HRNR: variants seen among roughly 807,000 people sequenced by gnomAD.
HRNR encodes filaggrin family member 3.
HRNR carries 7 observed loss-of-function variants against 4.8 expected under a neutral mutation model. The ratio of observed to expected loss-of-function variants is 1.47; its 90% CI spans 0.83 to 2.75. The LOEUF (loss-of-function observed/expected upper bound fraction) is 2.75. Among genes scored for constraint, HRNR ranks in the 30% most tolerant of loss-of-function variants. The pLI is 0.00. For missense variants in HRNR, 2,879 were observed against 3,010.4 expected, an observed-to-expected ratio of 0.96 and a Z score of 1.02; for synonymous variants, 1,023 against 1,242.7, an observed-to-expected ratio of 0.82 and a Z score of 3.72.
At position 152,219,070 on chromosome 1, in the gene HRNR, G is replaced by A. The variant is rs150471229; in HGVS notation, c.2559C>T (p.Ser853=). Reference sequence around the variant, plus strand: ...CTGAGCTAGAGTCATGTTGGCCGGAGCTTGATGACTGCCCTGACGTAGATC... The same window carrying A: ...CTGAGCTAGAGTCATGTTGGCCGGAACTTGATGACTGCCCTGACGTAGATC... ...RHGSTSGQSS[S]SGQHDSSSGQ... is the part of the protein sequence containing the mutation. Residue 853 remains serine, a synonymous_variant, in exon 3 of 3, where the codon AGC becomes AGT. Transcript: ENST00000368801. The A allele has an allele frequency of 4.3e-6, 7 of 1,613,132 alleles. No individual in the cohort carries two copies. In the African/African-American group the frequency reaches 6.7e-5, roughly 15 times the overall value.
Position 152,221,389 on chromosome 1 carries a change from C to T in HRNR, c.240G>A (p.Lys80=). Reference sequence around the variant, plus strand: ...TGATTTTATTACGAGCCTGAACCAGCTTGAATATCATCAGAAGATACTCAG... The same window carrying T: ...TGATTTTATTACGAGCCTGAACCAGTTTGAATATCATCAGAAGATACTCAG... ...DFTEYLLMIF[K]LVQARNKIIG... Residue 80 remains lysine, a synonymous_variant, in exon 3 of 3, where the codon AAG becomes AAA. Transcript: ENST00000368801. 1.2e-6 allele frequency: 2 copies of T among 1,613,908 alleles called. No individual in the cohort carries two copies. The highest frequency in any genetic ancestry group is 8.5e-7 in the Non-Finnish European group (1 of 1,179,962).
rs1426456122 is a variant in HRNR at position 152,221,376 on chromosome 1, G to A, written c.253C>T (p.Arg85Cys). ...LLMIFKLVQA[R>C]NKIIGKDYCQ... is the part of the protein sequence containing the mutation. ...TAATCTTTGCCAATGATTTTATTAC[G>A]AGCCTGAACCAGCTTGAATATCATC... Residue 85 changes from arginine (R) to cysteine (C), a missense_variant, in exon 3 of 3, where the codon CGT (arginine) becomes TGT (cysteine). Coordinates refer to ENST00000368801, the MANE Select transcript of HRNR (RefSeq NM_001009931.3). The A allele has an allele frequency of 2.1e-5, 34 of 1,613,790 alleles. No individual in the cohort carries two copies. The highest frequency in any genetic ancestry group is 2.7e-5 in the Non-Finnish European group (32 of 1,180,010).
At chr1:152,222,583 A>T (rs977353304) in intron 2 of HRNR, among the ~76,000 whole-genome samples, 2 of 152,190 alleles carry the variant, frequency 1.3e-5, no homozygotes, top group African/African-American at 4.8e-5. Flanking sequence ...AAAAAGATGA[A>T]GGAAAAAGGT....
Position 152,213,378 on chromosome 1 carries a change from A to G in HRNR, c.8251T>C (p.Ser2751Pro). ...GQSSSYGHRG[S>P]GSSQSSGYGR... is the part of the protein sequence containing the mutation. ...TAGCCAGAAGACTGACTGGAGCCAG[A>G]GCCACGGTGGCCATAGCTGGAAGAC... The change falls in exon 3 of 3, where the codon TCT (serine) becomes CCT (proline). Residue 2751 changes from serine to proline, a missense_variant. Ser to Pro is a moderately conservative substitution (Grantham distance 74). This residue lies in a region of HRNR where 158 missense variants were observed against 107.6 expected (regional missense o/e 1.47). Transcript: ENST00000368801. 1 of 582,968 alleles carries G rather than the reference A, an allele frequency of 1.7e-6. No individual in the cohort carries two copies. Among genetic ancestry groups the G allele is most frequent in the Admixed American group, 2.6e-5 (1 of 38,796 alleles). 36.1% of individuals were successfully genotyped at this position (582,968 alleles called of 1,614,324 possible).
rs754771130 is a variant in HRNR, at chr1:152,218,496, C to G, written c.3133G>C (p.Gly1045Arg). The G allele has an allele frequency of 1.9e-6, 3 of 1,613,720 alleles. No individual in the cohort carries two copies. The highest frequency in any genetic ancestry group is 2.5e-6 in the Non-Finnish European group (3 of 1,179,982). The change falls in exon 3 of 3, where the codon GGT (glycine) becomes CGT (arginine). Residue 1045 changes from glycine (G) to arginine (R), a missense_variant. Physicochemically the swap from Gly to Arg is moderately radical, Grantham distance 125. This residue lies in a region of HRNR where 2,646 missense variants were observed against 1,377.7 expected (regional missense o/e 1.92). Coordinates refer to ENST00000368801, the MANE Select transcript of HRNR (RefSeq NM_001009931.3). Reference protein sequence around the residue: ...SSRGPYESGSGHSSGLGHRES... With the variant: ...SSRGPYESGSRHSSGLGHRES... ...CGGTGACCTAAGCCAGAAGAGTGAC[C>G]GGAGCCAGACTCATATGGGCCACGG... is the stretch of plus-strand genomic sequence containing the variant.
In HRNR at chr1:152,212,291, C is replaced by G. The variant is rs1031053985; in HGVS notation, c.*785G>C. The G allele has an allele frequency of 1.3e-5, 2 of 152,038 alleles. No homozygotes were observed. The highest frequency in any genetic ancestry group is 2.4e-5 in the African/African-American group (1 of 41,374). The allele number at this position is 152,038 out of a possible 1,614,324, so 9.4% of individuals were successfully genotyped here. On this transcript the variant is annotated 3_prime_UTR_variant, in exon 3 of 3. Transcript: ENST00000368801. ...AGCATTGTATTTCCATGGAATAACT[C>G]CTCAATATATTTCCCAATATTGAGC...
Position 152,220,882 on chromosome 1 carries a change from A to C in HRNR, c.747T>G (p.Ser249=), listed in dbSNP as rs1297583593. ...CGTAGCCAGAGGAGTGACCTGAGCC[A>C]GATCCATGCTGACTGTAACCAGAGG... ...GQSSGYSQHG[S]GSGHSSGYGQ... is the part of the protein sequence containing the mutation. The change falls in exon 3 of 3, where the codon TCT becomes TCG. Residue 249 remains serine, a synonymous_variant. Transcript: ENST00000368801. 1 of 1,614,162 alleles carries C rather than the reference A, an allele frequency of 6.2e-7. No individual in the cohort carries two copies. The highest frequency in any genetic ancestry group is 8.5e-7 in the Non-Finnish European group (1 of 1,180,030).
Position 152,218,560 on chromosome 1 carries a change from G to A in HRNR, c.3069C>T (p.Ser1023=), listed in dbSNP as rs755400898. 8 of 1,613,766 alleles carry A rather than the reference G, an allele frequency of 5.0e-6. No homozygotes were observed. In the African/African-American group the frequency reaches 9.4e-5, roughly 19 times the overall value. The stretch of plus-strand genomic sequence containing the variant: ...CTGAGCCAGACCTATATGGGCCATA[G>A]CTGGAAGACTGCCCGGAACCAGACC... ...RHGSGSGQSS[S]YGPYRSGSGW... Residue 1023 remains serine, a synonymous_variant, in exon 3 of 3, where the codon AGC becomes AGT. Coordinates refer to ENST00000368801, the MANE Select transcript of HRNR (RefSeq NM_001009931.3).
chr1:152,219,042 G>C lies in HRNR; in HGVS notation c.2587C>G (p.Gln863Glu), dbSNP rs370756515. Residue 863 changes from glutamine (Q) to glutamate (E), a missense_variant, in exon 3 of 3, where the codon CAA becomes GAA. Transcript: ENST00000368801. ...TCATGCTGACCATAGCTGGAAGATT[G>C]ACCTGAGCTAGAGTCATGTTGGCCG... ...SSGQHDSSSG[Q>E]SSSYGQHESA... is the part of the protein sequence containing the mutation. The C allele has an allele frequency of 5.6e-5, 91 of 1,611,484 alleles. No individual in the cohort carries two copies. The highest frequency in any genetic ancestry group is 2.5e-4 in the Admixed American group (15 of 59,798).
In HRNR at chr1:152,218,871, C is replaced by T. The variant is rs1354236614; in HGVS notation, c.2758G>A (p.Gly920Ser). 2 of 1,613,894 alleles carry T rather than the reference C, an allele frequency of 1.2e-6. No individual in the cohort carries two copies. Among genetic ancestry groups the T allele is most frequent in the South Asian group, 2.2e-5 (2 of 91,052 alleles). Reference protein sequence around the residue: ...GSGSGRSSSSGRHGSGSGQSS... With the variant: ...GSGSGRSSSSSRHGSGSGQSS... ...TGGCCTGAGCCAGACCCATGTCGGCCACTGCTGGAAGACCGACCGGAGCCA... is the reference window on the plus strand; with the variant it reads ...TGGCCTGAGCCAGACCCATGTCGGCTACTGCTGGAAGACCGACCGGAGCCA... Residue 920 changes from glycine (G) to serine (S), a missense_variant, in exon 3 of 3, where the codon GGC becomes AGC. Gly to Ser is a moderately conservative substitution (Grantham distance 56). This residue lies in a region of HRNR where 2,646 missense variants were observed against 1,377.7 expected (regional missense o/e 1.92). Coordinates refer to ENST00000368801, the MANE Select transcript of HRNR (RefSeq NM_001009931.3).
rs370652380 is a variant in HRNR at position 152,219,437 on chromosome 1, G to T, written c.2192C>A (p.Ser731Tyr). 5 of 1,613,984 alleles carry T rather than the reference G, an allele frequency of 3.1e-6. No individual in the cohort carries two copies. ...SHSSGYRKHGSRSGQSSRSEQ... is the reference protein window; with the variant it reads ...SHSSGYRKHGYRSGQSSRSEQ... ...ACTCCTAGATGACTGTCCTGACCTA[G>T]AGCCGTGTTTTCTGTAGCCGGAGGA... is the stretch of plus-strand genomic sequence containing the variant. Residue 731 changes from serine to tyrosine, a missense_variant, in exon 3 of 3, where the codon TCT (serine) becomes TAT (tyrosine). Around this residue, in one of 8 missense-constraint regions of HRNR, gnomAD observed 2,646 missense variants for 1,377.7 expected, o/e 1.92. Coordinates refer to ENST00000368801, the MANE Select transcript of HRNR (RefSeq NM_001009931.3).
In HRNR at chr1:152,220,744, GC is replaced by G. The variant is rs1648951849; in HGVS notation, c.884del (p.Gly295AlafsTer290). On this transcript the variant is annotated frameshift_variant, in exon 3 of 3. Coordinates refer to ENST00000368801, the MANE Select transcript of HRNR (RefSeq NM_001009931.3). LOFTEE classifies it low-confidence loss of function (END_TRUNC). ...GAGATCCAGACCCTTGTCGGCCGTG[GC>G]CCAAAGACTGACGGGAACCAGACCC... ...QHGSGSRQSLGHGRQGSGSRQ... is the reference protein window; with the variant it reads ...QHGSGSRQSLXHGRQGSGSRQ... The G allele has an allele frequency of 6.2e-7, 1 of 1,613,932 alleles. No homozygotes were observed. Among genetic ancestry groups the G allele is most frequent in the South Asian group, 1.1e-5 (1 of 91,078 alleles).
Position 152,218,533 on chromosome 1 carries a change from C to T in HRNR, c.3096G>A (p.Gly1032=). The change falls in exon 3 of 3, where the codon GGG becomes GGA. Residue 1032 remains glycine (G), a synonymous_variant. Coordinates refer to ENST00000368801, the MANE Select transcript of HRNR (RefSeq NM_001009931.3). ...CATATGGGCCACGGCTTGAAGACCA[C>T]CCTGAGCCAGACCTATATGGGCCAT... ...SSYGPYRSGS[G]WSSSRGPYES... 3 of 1,613,338 alleles carry T rather than the reference C, an allele frequency of 1.9e-6. No individual in the cohort carries two copies. The highest frequency in any genetic ancestry group is 2.5e-6 in the Non-Finnish European group (3 of 1,179,854).
chr1:152,223,559 T>G (rs1649071442), intron 1 of HRNR, among the ~76,000 whole-genome samples: 1 of 152,224 alleles, frequency 6.6e-6, no homozygotes, highest in Non-Finnish European at 1.5e-5. Context: ...TTACCAGGGA[T>G]AATATTAGCT....
Position 152,212,888 on chromosome 1 carries a change from G to T in HRNR, c.*188C>A. 2.7e-6 allele frequency: 2 copies of T among 751,622 alleles called. No homozygotes were observed. The highest frequency in any genetic ancestry group is 2.0e-5 in the South Asian group (1 of 51,030). The allele number at this position is 751,622 out of a possible 1,614,324, so 46.6% of individuals were successfully genotyped here. On this transcript the variant is annotated 3_prime_UTR_variant, in exon 3 of 3. Coordinates refer to ENST00000368801, the MANE Select transcript of HRNR (RefSeq NM_001009931.3). The stretch of plus-strand genomic sequence containing the variant: ...AACAAAGTAGCACAAATGCCTAACA[G>T]TCTTTGGAAGGAACCCCATAACAAG...
In HRNR at chr1:152,218,606, C is replaced by G. The variant is rs139947063; in HGVS notation, c.3023G>C (p.Ser1008Thr). ...AGACCCATGTCGGCCACGGCTAGGG[C>G]TAGGAGACTGGCCAGATCCAGACCC... ...QHGSGSGQSP[S>T]PSRGRHGSGS... Residue 1008 changes from serine to threonine, a missense_variant, in exon 3 of 3, where the codon AGC becomes ACC. Transcript: ENST00000368801. 1.4e-3 allele frequency: 2,246 copies of G among 1,610,884 alleles called. 16 individuals carry two copies. Among genetic ancestry groups the G allele is most frequent in the South Asian group, 7.3e-3 (661 of 90,892 alleles).
At position 152,213,251 on chromosome 1, in the gene HRNR, C is replaced by A; in HGVS notation, c.8378G>T (p.Gly2793Val). 1.2e-6 allele frequency: 2 copies of A among 1,606,562 alleles called. No homozygotes were observed. Among genetic ancestry groups the A allele is most frequent in the African/African-American group, 1.3e-5 (1 of 74,576 alleles). ...ATGCTGACTATAACCAGAGGACTGTCCTGAGCCAGACCCATGTTGGCCGTA... is the reference window on the plus strand; with the variant it reads ...ATGCTGACTATAACCAGAGGACTGTACTGAGCCAGACCCATGTTGGCCGTA... The part of the protein sequence containing the change: ...SSYGQHGSGS[G>V]QSSGYSQHGS... Residue 2793 changes from glycine (G) to valine (V), a missense_variant, in exon 3 of 3, where the codon GGA becomes GTA. By Grantham distance (109) the Gly-to-Val change is moderately radical. This residue lies in a region of HRNR where 158 missense variants were observed against 107.6 expected (regional missense o/e 1.47). Transcript: ENST00000368801.
chr1:152,219,200 C>T lies in HRNR; in HGVS notation c.2429G>A (p.Gly810Asp), dbSNP rs777793957. ...CSSSCGHYESGSGQASGFGQH... is the reference protein window; with the variant it reads ...CSSSCGHYESDSGQASGFGQH... Reference sequence around the variant, plus strand: ...CCCAAAACCAGAAGCCTGGCCTGAGCCAGACTCATAATGGCCACAGCTGGA... The same window carrying T: ...CCCAAAACCAGAAGCCTGGCCTGAGTCAGACTCATAATGGCCACAGCTGGA... The change falls in exon 3 of 3, where the codon GGC (glycine) becomes GAC (aspartate). Residue 810 changes from glycine to aspartate, a missense_variant. By Grantham distance (94) the Gly-to-Asp change is moderately conservative. Coordinates refer to ENST00000368801, the MANE Select transcript of HRNR (RefSeq NM_001009931.3). 48 of 1,613,744 alleles carry T rather than the reference C, an allele frequency of 3.0e-5. No individual in the cohort carries two copies. The highest frequency in any genetic ancestry group is 4.0e-5 in the Non-Finnish European group (47 of 1,179,946).
Position 152,213,785 on chromosome 1 carries a change from CT to C in HRNR, c.7843del (p.Arg2615GlyfsTer238). ...QHGSRSGQSS[R>X]GERHGSSSGS... ...TGAGCTAGATCCGTGTCGTTCACCC[CT>C]AGATGACTGTCCTGATCTAGAGCCG... On this transcript the variant is annotated frameshift_variant, in exon 3 of 3. Coordinates refer to ENST00000368801, the MANE Select transcript of HRNR (RefSeq NM_001009931.3). LOFTEE classifies it low-confidence loss of function (END_TRUNC). 3.5e-6 allele frequency: 5 copies of C among 1,448,604 alleles called. No homozygotes were observed. Among genetic ancestry groups the C allele is most frequent in the Non-Finnish European group, 4.6e-6 (5 of 1,080,276 alleles). 89.7% of individuals were successfully genotyped at this position (1,448,604 alleles called of 1,614,324 possible).
Sources: gnomAD v4.1 joint callset for allele counts (sites outside exome capture counted in the v4.1 genomes callset) on GRCh38, gnomAD v4.1.1 for gene constraint, gnomAD v4.1.1 regional missense constraint, MANE v1.5 for transcripts, NCBI Gene and HGNC (gene_info 2026-07-23, HGNC 2026-07-21) for gene names.